SYT16: variants seen among roughly 807,000 people sequenced by gnomAD.
The protein encoded by SYT16 is synaptotagmin-16.
Under a neutral mutation model 61.4 loss-of-function variants are expected in SYT16, and 42 were observed. The observed-to-expected ratio is 0.68, with a 90% CI of 0.53 to 0.89. SYT16 has a LOEUF of 0.89. SYT16 is among the 40% of genes least tolerant of loss of function. SYT16 has a pLI of 0.00. For missense variants in SYT16, 804 were observed against 807.3 expected (o/e 1.00, Z 0.05); for synonymous variants, 314 against 302.3 (o/e 1.04, Z -0.40).
At chr14:61,952,410 T>C (rs1282292226) in intron 1 of SYT16, among the ~76,000 whole-genome samples, 2 of 152,208 alleles carry the variant, frequency 1.3e-5, no homozygotes, top group Non-Finnish European at 1.5e-5. Flanking sequence ...CCATGGACTA[T>C]TGGTGCATCT....
intron 1 of SYT16, among the ~76,000 whole-genome samples, chr14:61,917,441 G>C (rs549261088): frequency 2.0e-5 from 3 of 152,084 alleles, no homozygotes; most frequent in South Asian, 2.1e-4. Flanking sequence ...AGATTTTTTG[G>C]GGGGAGCATA....
chr14:61,832,152 C>T (rs947247837), intron 1 of SYT16: 4 of 698,724 alleles, frequency 5.7e-6, no homozygotes, highest in African/African-American at 1.8e-5. Flanking sequence ...ATCCGTGGAG[C>T]GGTTGCTCCA....
intron 7 of SYT16, among the ~76,000 whole-genome samples, chr14:62,091,819 C>A (rs1475191298): frequency 6.6e-6 from 1 of 152,116 alleles, no homozygotes; most frequent in Non-Finnish European, 1.5e-5. Context: ...GATATGACAA[C>A]AAATGCATAG....
At chr14:61,998,081 G>A (rs2052841054) in intron 3 of SYT16, among the ~76,000 whole-genome samples, 1 of 151,960 alleles carries the variant, frequency 6.6e-6, no homozygotes, top group South Asian at 2.1e-4. Flanking sequence ...CTTTACAGTT[G>A]AGAAAATTGA....
chr14:62,031,763 C>G (rs147120282), intron 3 of SYT16, among the ~76,000 whole-genome samples: 3 of 152,198 alleles, frequency 2.0e-5, no homozygotes, highest in African/African-American at 7.2e-5. Flanking sequence ...TGGTAACTTA[C>G]AATTGATCAA....
rs548785438 is a variant in SYT16, at chr14:61,935,611, A to G, written c.-324-34521A>G. On this transcript the variant is annotated intron_variant, in intron 1 of 7. Coordinates refer to ENST00000683842, the MANE Select transcript of SYT16 (RefSeq NM_001367656.1). ...GTTGGGGTGGTGAAACGGACCAAGC[A>G]CAGAGTCGACACGTGGCAGTTTCCC... Among the ~76,000 whole-genome samples the G allele has an allele frequency of 2.6e-5, 4 of 152,316 alleles. No homozygotes were observed. In the East Asian group the frequency reaches 5.8e-4, roughly 22 times the overall value.
At chr14:61,886,880 C>CTTTTTTTTTTTTTTTTT (rs371140698) in intron 1 of SYT16, among the ~76,000 whole-genome samples, 3 of 110,826 alleles carry the variant, frequency 2.7e-5, no homozygotes, top group Non-Finnish European at 3.6e-5. Flanking sequence ...TTTTTTTTGT[C>CTTTTTTTTTTTTTTTTT]TTTTTTTTTT....
chr14:61,988,854 T>C (rs2052428652), intron 2 of SYT16, among the ~76,000 whole-genome samples: 1 of 149,364 alleles, frequency 6.7e-6, no homozygotes, highest in Admixed American at 6.8e-5. Flanking sequence ...CCTTTTTTTA[T>C]TTCTAGTTTC....
At position 62,061,701 on chromosome 14, in the gene SYT16, A is replaced by G. The variant is rs549198559; in HGVS notation, c.524-7902A>G. Among the ~76,000 whole-genome samples, 3 of 152,272 alleles carry G rather than the reference A, an allele frequency of 2.0e-5. No homozygotes were observed. In the East Asian group the frequency reaches 5.8e-4, roughly 29 times the overall value. ...GGTCAATTCATCAAGAAGACACAAA[A>G]TTGTAAGTGTGTATGCACCTATTAA... On this transcript the variant is annotated intron_variant, in intron 3 of 7. Transcript: ENST00000683842.
In SYT16 at chr14:62,110,095, C is replaced by T. The variant is rs887582282; in HGVS notation, c.*9388C>T. Reference sequence around the variant, plus strand: ...GATTATTTATATGTCTTCTGACTGCCCTTTGCTTTGTAGCTACAGCAACTT... The same window carrying T: ...GATTATTTATATGTCTTCTGACTGCTCTTTGCTTTGTAGCTACAGCAACTT... On this transcript the variant is annotated 3_prime_UTR_variant, in exon 8 of 8. Coordinates refer to ENST00000683842, the MANE Select transcript of SYT16 (RefSeq NM_001367656.1). The T allele has an allele frequency of 1.3e-5, 2 of 152,092 alleles. No individual in the cohort carries two copies. Among genetic ancestry groups the T allele is most frequent in the African/African-American group, 4.8e-5 (2 of 41,432 alleles). The allele number at this position is 152,092 out of a possible 1,614,324, so 9.4% of individuals were successfully genotyped here.
Position 62,078,172 on chromosome 14 carries a change from A to AAACACAC in SYT16, c.994-2661_994-2660insACACACA, listed in dbSNP as rs1555382591. Reference sequence around the variant, plus strand: ...CTCTCTCTCTATATATATATATATAAACACACACACACACACACACACACA... The same window carrying AAACACAC: ...CTCTCTCTCTATATATATATATATAAAACACACACACACACACACACACACACACACA... On this transcript the variant is annotated intron_variant, in intron 5 of 7. Transcript: ENST00000683842. Among the ~76,000 whole-genome samples, 178 of 128,844 alleles carry AAACACAC rather than the reference A, an allele frequency of 1.4e-3. 1 individual carries two copies. Among genetic ancestry groups the AAACACAC allele is most frequent in the African/African-American group, 5.2e-3 (166 of 32,080 alleles). The allele number at this position is 128,844 out of a possible 152,430, so 84.5% of individuals were successfully genotyped here. A position where few individuals can be genotyped will look rare whatever the true frequency, so the allele number is the denominator to read the frequency against.
At chr14:61,973,526 AT>A (rs2051653560) in intron 2 of SYT16, among the ~76,000 whole-genome samples, 1 of 152,214 alleles carries the variant, frequency 6.6e-6, no homozygotes, top group Admixed American at 6.5e-5. Flanking sequence ...AAAAAAGCCA[AT>A]ATTCAGCTTT....
chr14:62,038,940 C>A (rs2054611789), intron 3 of SYT16, among the ~76,000 whole-genome samples: 2 of 152,162 alleles, frequency 1.3e-5, no homozygotes, highest in African/African-American at 2.4e-5. Context: ...CAAAGTGTTT[C>A]TTTTGCTTGT....
rs116296129 is a variant in SYT16, at chr14:62,030,186, G to A, written c.523+33644G>A. 1.6e-3 allele frequency among the ~76,000 whole-genome samples: 250 copies of A among 152,236 alleles called. 1 individual carries two copies. The highest frequency in any genetic ancestry group is 5.7e-3 in the African/African-American group (235 of 41,546). On this transcript the variant is annotated intron_variant, in intron 3 of 7. Coordinates refer to ENST00000683842, the MANE Select transcript of SYT16 (RefSeq NM_001367656.1). Reference sequence around the variant, plus strand: ...CATTATTGAAAATATTCAATACAAAGCCAAACTGAAATGTATCTTTCTGCT... The same window carrying A: ...CATTATTGAAAATATTCAATACAAAACCAAACTGAAATGTATCTTTCTGCT...
chr14:61,851,306 A>T (rs923299719), intron 1 of SYT16, among the ~76,000 whole-genome samples: 2 of 152,164 alleles, frequency 1.3e-5, no homozygotes, highest in African/African-American at 4.8e-5. Flanking sequence ...TATCCAGTCT[A>T]TCATTGATGG....
intron 1 of SYT16, among the ~76,000 whole-genome samples, chr14:61,959,564 T>C (rs2051031240): frequency 6.6e-6 from 1 of 152,178 alleles, no homozygotes; most frequent in Admixed American, 6.5e-5. Flanking sequence ...CATATTTTGT[T>C]TCTTGGTATG....
chr14:61,965,644 A>G (rs2051286247), intron 1 of SYT16, among the ~76,000 whole-genome samples: 1 of 152,178 alleles, frequency 6.6e-6, no homozygotes, highest in Non-Finnish European at 1.5e-5. Flanking sequence ...GCATGTTTTA[A>G]CTTCTTTAAC....
chr14:61,856,430 T>G (rs2046776752), intron 1 of SYT16, among the ~76,000 whole-genome samples: 1 of 152,220 alleles, frequency 6.6e-6, no homozygotes, highest in African/African-American at 2.4e-5. Flanking sequence ...ATATACTATT[T>G]AATACATACA....
At chr14:61,962,625 A>G (rs969809240) in intron 1 of SYT16, among the ~76,000 whole-genome samples, 2 of 151,528 alleles carry the variant, frequency 1.3e-5, no homozygotes, top group African/African-American at 4.8e-5. Flanking sequence ...TCCTTTTTGG[A>G]CTTCCATAAT....
Sources: gnomAD v4.1 joint callset for allele counts (sites outside exome capture counted in the v4.1 genomes callset) on GRCh38, gnomAD v4.1.1 for gene constraint, MANE v1.5 for transcripts, NCBI Gene and HGNC (gene_info 2026-07-23, HGNC 2026-07-21) for gene names.